PRKCE: variants seen among roughly 807,000 people sequenced by gnomAD.
PRKCE encodes the protein protein kinase C epsilon type.
Under a neutral mutation model 85.4 loss-of-function variants are expected in PRKCE, and 16 were observed. The ratio of observed to expected loss-of-function variants is 0.19; its 90% CI spans 0.13 to 0.28. The LOEUF is 0.28. PRKCE is among the 10% of genes least tolerant of loss of function. The pLI is 1.00. For missense variants in PRKCE, 573 were observed against 975.2 expected, an observed-to-expected ratio of 0.59 and a Z score of 5.49; for synonymous variants, 388 against 371.5, an observed-to-expected ratio of 1.04 and a Z score of -0.51.
intron 10 of PRKCE, among the ~76,000 whole-genome samples, chr2:46,014,614 G>A (rs1705968104): frequency 6.6e-6 from 1 of 152,058 alleles, no homozygotes; most frequent in African/African-American, 2.4e-5. Flanking sequence ...AAAAAATTAT[G>A]GCCTATAATT....
chr2:46,134,216 A>G (rs186670343), intron 11 of PRKCE, among the ~76,000 whole-genome samples: 7 of 152,298 alleles, frequency 4.6e-5, no homozygotes, highest in Non-Finnish European at 4.4e-5. Flanking sequence ...ACCAGTAGGT[A>G]TTGAGACACT....
intron 2 of PRKCE, among the ~76,000 whole-genome samples, chr2:45,968,104 T>A (rs1447076381): frequency 6.6e-6 from 1 of 152,220 alleles, no homozygotes; most frequent in African/African-American, 2.4e-5. Context: ...ACCCTTGTTC[T>A]TGGCTCCATA....
intron 5 of PRKCE, 129 bp downstream of exon 5, chr2:45,980,510 AC>A (rs1702802911): frequency 1.2e-6 from 1 of 867,536 alleles, no homozygotes; most frequent in African/African-American, 1.7e-5. Context: ...TGATAAAAAA[AC>A]AAAGGGAGCT....
intron 2 of PRKCE, among the ~76,000 whole-genome samples, chr2:45,958,812 ATATATTTTTTTT>A (rs1701174124): frequency 7.5e-5 from 2 of 26,804 alleles, no homozygotes; most frequent in African/African-American, 1.8e-4. Flanking sequence ...ATATATATAT[ATATATTTTTTTT>A]TTTTTTTTTT....
chr2:45,893,516 C>T (rs544227935), intron 2 of PRKCE, among the ~76,000 whole-genome samples: 152 of 152,048 alleles, frequency 1.0e-3, no homozygotes, highest in African/African-American at 2.9e-3. Flanking sequence ...TACAGGCACC[C>T]GCCACCACAC....
At chr2:45,796,190 C>T (rs1687421444) in intron 1 of PRKCE, among the ~76,000 whole-genome samples, 1 of 152,166 alleles carries the variant, frequency 6.6e-6, no homozygotes. Flanking sequence ...AGTTAGTTGT[C>T]TTATTCTAGG....
chr2:45,846,335 G>T (rs745667217), intron 2 of PRKCE, among the ~76,000 whole-genome samples: 1 of 152,100 alleles, frequency 6.6e-6, no homozygotes, highest in African/African-American at 2.4e-5. Context: ...CAGGCTTACC[G>T]ATGAGAGACG....
chr2:46,097,498 A>ATTCCAGCCTGGGC (rs1558451231), intron 11 of PRKCE, among the ~76,000 whole-genome samples: 1 of 142,778 alleles, frequency 7.0e-6, no homozygotes, highest in African/African-American at 2.6e-5. Context: ...CCAGCCTGGG[A>ATTCCAGCCTGGGC]GACAGAGCGA....
chr2:46,153,826 AC>A (rs1676898047), intron 13 of PRKCE, among the ~76,000 whole-genome samples: 1 of 117,952 alleles, frequency 8.5e-6, no homozygotes, highest in Non-Finnish European at 1.6e-5. Flanking sequence ...TCGCTCTGTC[AC>A]CCAGGCTGGA....
intron 10 of PRKCE, among the ~76,000 whole-genome samples, chr2:46,065,052 A>G (rs1667505084): frequency 6.6e-6 from 1 of 152,198 alleles, no homozygotes. Flanking sequence ...ACCCTTCAAA[A>G]TATTTAAATT....
intron 5 of PRKCE, among the ~76,000 whole-genome samples, chr2:45,983,284 T>TC (rs1302632631): frequency 3.3e-5 from 5 of 152,048 alleles, no homozygotes; most frequent in Non-Finnish European, 5.9e-5. Flanking sequence ...CCCTCATTAG[T>TC]CCCCCACGGG....
At chr2:46,167,954 G>T (rs1015120263) in intron 14 of PRKCE, 1 of 152,194 alleles carries the variant, frequency 6.6e-6, no homozygotes. Context: ...AACAGCCTCA[G>T]TGGAGCATCT....
At chr2:46,148,144 C>T (rs1574598884) in intron 12 of PRKCE, among the ~76,000 whole-genome samples, 2 of 152,330 alleles carry the variant, frequency 1.3e-5, no homozygotes, top group Non-Finnish European at 2.9e-5. Context: ...CTCTGCTTTC[C>T]CACTCCCAGC....
chr2:46,027,241 A>G (rs572189273), intron 10 of PRKCE, among the ~76,000 whole-genome samples: 1 of 152,276 alleles, frequency 6.6e-6, no homozygotes, highest in East Asian at 1.9e-4. Flanking sequence ...AGGCTGAGGT[A>G]GGAGGGTAGG....
chr2:45,693,787 A>C (rs1677930209), intron 1 of PRKCE, among the ~76,000 whole-genome samples: 1 of 152,158 alleles, frequency 6.6e-6, no homozygotes, highest in Non-Finnish European at 1.5e-5. Context: ...AGGCATGGAC[A>C]TCTGAAGAAG....
At chr2:45,805,856 C>G (rs1361492913) in intron 1 of PRKCE, among the ~76,000 whole-genome samples, 1 of 152,194 alleles carries the variant, frequency 6.6e-6, no homozygotes, top group Admixed American at 6.5e-5. Context: ...TCCTTGGCCT[C>G]CCAAAGTGCT....
intron 14 of PRKCE, among the ~76,000 whole-genome samples, chr2:46,181,776 G>A (rs936700980): frequency 1.2e-4 from 18 of 152,158 alleles, no homozygotes; most frequent in African/African-American, 4.3e-4. Flanking sequence ...TCATACACAG[G>A]TTCCCCTCAT....
At chr2:45,821,749 T>C (rs1689549021) in intron 1 of PRKCE, among the ~76,000 whole-genome samples, 1 of 152,086 alleles carries the variant, frequency 6.6e-6, no homozygotes, top group African/African-American at 2.4e-5. Context: ...GGTTGCAGTG[T>C]TGTGGAAATG....
At chr2:46,003,400 A>G (rs145733960) in intron 7 of PRKCE, among the ~76,000 whole-genome samples, 2 of 152,384 alleles carry the variant, frequency 1.3e-5, no homozygotes, top group Non-Finnish European at 2.9e-5. Context: ...GCCAGCATCT[A>G]TGCGAAGGAA....
Sources: allele counts gnomAD v4.1 joint callset (sites outside exome capture counted in the v4.1 genomes callset), GRCh38; gene constraint gnomAD v4.1.1; transcripts MANE v1.5; gene names NCBI Gene and HGNC (gene_info 2026-07-23, HGNC 2026-07-21).